The following MBD2 variants were observed in gnomAD, a reference collection of about 807,000 sequenced individuals.
The protein encoded by MBD2 is methyl-CpG binding domain protein 2.
In MBD2, 9 loss-of-function variants were observed where a neutral mutation model predicts 39.3. The ratio of observed to expected loss-of-function variants is 0.23; its 90% CI spans 0.14 to 0.40. The LOEUF is 0.40. Ranked by LOEUF, MBD2 falls within the 10% of genes least tolerant of loss-of-function variation. The pLI, the probability that MBD2 is intolerant of heterozygous loss-of-function variation, is 1.00. For synonymous variants in MBD2, 233 were observed against 211.1 expected (o/e 1.10, Z -0.90); for missense variants, 458 against 532.6 (o/e 0.86, Z 1.38).
chr18:54,221,966 A>C (rs919932558), intron 1 of MBD2, among the ~76,000 whole-genome samples: 9 of 152,204 alleles, frequency 5.9e-5, no homozygotes, highest in African/African-American at 2.2e-4. Flanking sequence ...AAAACCAAAC[A>C]AACCATATCC....
intron 3 of MBD2, among the ~76,000 whole-genome samples, chr18:54,184,739 C>T (rs1213004517): frequency 6.6e-6 from 1 of 152,166 alleles, no homozygotes; most frequent in East Asian, 1.9e-4. Context: ...CTCAAGCCTC[C>T]TAGCAACAGT....
intron 1 of MBD2, among the ~76,000 whole-genome samples, chr18:54,210,132 A>G (rs2086490281): frequency 6.6e-6 from 1 of 152,102 alleles, no homozygotes; most frequent in South Asian, 2.1e-4. Flanking sequence ...TAGATATGCC[A>G]TTCCTGAACC....
intron 3 of MBD2, among the ~76,000 whole-genome samples, chr18:54,177,313 C>T (rs2144296794): frequency 6.6e-6 from 1 of 152,214 alleles, no homozygotes; most frequent in Admixed American, 6.5e-5. Context: ...TATATAGCAC[C>T]TGTTAATCAG....
chr18:54,197,853 C>T (rs2086378314), intron 2 of MBD2, among the ~76,000 whole-genome samples: 1 of 152,224 alleles, frequency 6.6e-6, no homozygotes, highest in South Asian at 2.1e-4. Context: ...CAGTGGCCCA[C>T]ACTTATCCCT....
At chr18:54,216,388 G>C (rs1364609163) in intron 1 of MBD2, among the ~76,000 whole-genome samples, 2 of 152,192 alleles carry the variant, frequency 1.3e-5, no homozygotes, top group African/African-American at 2.4e-5. Context: ...GATTAATAGA[G>C]AAATGTATTT....
intron 3 of MBD2, among the ~76,000 whole-genome samples, chr18:54,174,278 T>C (rs2086196402): frequency 6.6e-6 from 1 of 152,172 alleles, no homozygotes; most frequent in African/African-American, 2.4e-5. Flanking sequence ...AGCAAAATCA[T>C]GTCTAGTTGA....
At chr18:54,189,328 C>T (rs1008814673) in intron 2 of MBD2, among the ~76,000 whole-genome samples, 3 of 150,726 alleles carry the variant, frequency 2.0e-5, no homozygotes, top group East Asian at 2.0e-4. Context: ...GGTCTGCTTA[C>T]GCCATCCGCC....
intron 1 of MBD2, among the ~76,000 whole-genome samples, chr18:54,208,855 G>C (rs2144336993): frequency 6.6e-6 from 1 of 152,258 alleles, no homozygotes; most frequent in African/African-American, 2.4e-5. Context: ...GTTCATTTTA[G>C]ATCTCTCCCC....
Position 54,152,126 on chromosome 18 carries a change from T to C in MBD2, c.*3198A>G, listed in dbSNP as rs1355216840. The C allele has an allele frequency of 6.6e-6, 1 of 152,036 alleles. No homozygotes were observed. The highest frequency in any genetic ancestry group is 1.5e-5 in the Non-Finnish European group (1 of 68,020). 9.4% of individuals were successfully genotyped at this position (152,036 alleles called of 1,614,324 possible). On this transcript the variant is annotated 3_prime_UTR_variant, in exon 7 of 7. Coordinates refer to ENST00000256429, the MANE Select transcript of MBD2 (RefSeq NM_003927.5). ...TGCTTCCATGGAGGTATTTACAAAGTGCGGTGGGAACAGGGAAGGCGGGAA... is the reference window on the plus strand; with the variant it reads ...TGCTTCCATGGAGGTATTTACAAAGCGCGGTGGGAACAGGGAAGGCGGGAA...
chr18:54,222,415 A>G (rs2086623284), intron 1 of MBD2: 1 of 504,998 alleles, frequency 2.0e-6, no homozygotes, highest in Non-Finnish European at 3.9e-6. Context: ...AGTGCTCACA[A>G]TAACTTTCTT....
chr18:54,224,349 C>T lies in MBD2; in HGVS notation c.211G>A (p.Gly71Ser). 1 of 1,120,862 alleles carries T rather than the reference C, an allele frequency of 8.9e-7. No individual in the cohort carries two copies. The highest frequency in any genetic ancestry group is 3.6e-5 in the South Asian group (1 of 27,966). 69.4% of individuals were successfully genotyped at this position (1,120,862 alleles called of 1,614,324 possible). A position where few individuals can be genotyped will look rare whatever the true frequency, so the allele number is the denominator to read the frequency against. ...RGRWKQAGRG[G>S]GVCGRGRGRG... Reference sequence around the variant, plus strand: ...CCCCGGCCACGGCCACAGACGCCGCCGCCCCGGCCCGCCTGCTTCCACCGC... The same window carrying T: ...CCCCGGCCACGGCCACAGACGCCGCTGCCCCGGCCCGCCTGCTTCCACCGC... Residue 71 changes from glycine to serine, a missense_variant, in exon 1 of 7, where the codon GGC becomes AGC. Physicochemically the swap from Gly to Ser is moderately conservative, Grantham distance 56. Around this residue, in one of 2 missense-constraint regions of MBD2, gnomAD observed 269 missense variants for 236.0 expected, o/e 1.14. Transcript: ENST00000256429.
chr18:54,185,696 T>TAATA (rs2086281756), intron 3 of MBD2, among the ~76,000 whole-genome samples: 1 of 152,144 alleles, frequency 6.6e-6, no homozygotes, highest in South Asian at 2.1e-4. Flanking sequence ...CTGTTTGGGA[T>TAATA]AATAGTCTGA....
chr18:54,186,549 A>G (rs1599089959), intron 3 of MBD2, among the ~76,000 whole-genome samples: 1 of 152,328 alleles, frequency 6.6e-6, no homozygotes, highest in East Asian at 1.9e-4. Flanking sequence ...ACAGATCATG[A>G]TTTTTAAAAC....
chr18:54,170,622 C>G (rs2086173061), intron 3 of MBD2, among the ~76,000 whole-genome samples: 1 of 152,192 alleles, frequency 6.6e-6, no homozygotes, highest in African/African-American at 2.4e-5. Context: ...AACAAATACT[C>G]TTTGAATGCC....
chr18:54,189,317 G>A (rs886381109), intron 2 of MBD2, among the ~76,000 whole-genome samples: 6 of 148,364 alleles, frequency 4.0e-5, no homozygotes, highest in Admixed American at 6.9e-5. Flanking sequence ...TCCGCCTCCC[G>A]GGTCTGCTTA....
chr18:54,219,278 A>T, intron 1 of MBD2, among the ~76,000 whole-genome samples: 1 of 152,334 alleles, frequency 6.6e-6, no homozygotes, highest in African/African-American at 2.4e-5. Context: ...TAGCCTTATT[A>T]ATAAAATACC....
intron 5 of MBD2, 114 bp from the exon 6 acceptor site, chr18:54,160,017 C>A: frequency 8.1e-7 from 1 of 1,229,218 alleles, no homozygotes. Flanking sequence ...GAAGAATAGA[C>A]TTCCTTTTCA....
intron 1 of MBD2, among the ~76,000 whole-genome samples, chr18:54,218,808 C>A (rs541239751): frequency 8.0e-4 from 122 of 151,750 alleles, no homozygotes; most frequent in Non-Finnish European, 6.3e-4. Flanking sequence ...CTAAAAATAC[C>A]AAAATTAGCC....
At chr18:54,218,425 C>T (rs1197720263) in intron 1 of MBD2, among the ~76,000 whole-genome samples, 1 of 152,172 alleles carries the variant, frequency 6.6e-6, no homozygotes, top group Non-Finnish European at 1.5e-5. Context: ...CACATTATCT[C>T]AATGGCACAC....
Sources: gnomAD v4.1 joint callset for allele counts (sites outside exome capture counted in the v4.1 genomes callset) on GRCh38, gnomAD v4.1.1 for gene constraint, gnomAD v4.1.1 regional missense constraint, MANE v1.5 for transcripts, NCBI Gene and HGNC (gene_info 2026-07-23, HGNC 2026-07-21) for gene names.